Variants in ADAMTSL1 observed in about 807,000 individuals in gnomAD.
The protein encoded by ADAMTSL1 is ADAMTS like 1.
ADAMTSL1 carries 126 observed loss-of-function variants against 201.8 expected under a neutral mutation model. The ratio of observed to expected loss-of-function variants is 0.62; its 90% CI spans 0.54 to 0.72. The LOEUF is 0.72. ADAMTSL1 is among the 30% of genes least tolerant of loss of function. ADAMTSL1 has a pLI of 0.00. For missense variants in ADAMTSL1, 2,679 were observed against 2,277.8 expected (o/e 1.18, Z -3.59); for synonymous variants, 1,121 against 903.4 (o/e 1.24, Z -4.32).
chr9:18,411,186 A>G (rs2133313063), intron 2 of ADAMTSL1, among the ~76,000 whole-genome samples: 1 of 148,078 alleles, frequency 6.8e-6, no homozygotes, highest in Admixed American at 6.8e-5. Context: ...TTATTTATTT[A>G]TTTATTTATT....
At chr9:18,639,808 C>T (rs1230344443) in intron 7 of ADAMTSL1, among the ~76,000 whole-genome samples, 1 of 152,070 alleles carries the variant, frequency 6.6e-6, no homozygotes, top group African/African-American at 2.4e-5. Context: ...ACTGATCATT[C>T]TTCCAATGGC....
At chr9:18,141,290 A>T (rs1564023111) in intron 1 of ADAMTSL1, among the ~76,000 whole-genome samples, 1 of 152,100 alleles carries the variant, frequency 6.6e-6, no homozygotes, top group African/African-American at 2.4e-5. Flanking sequence ...CTCATCATGG[A>T]CAGAAGAACA....
At chr9:18,166,248 A>C (rs139262775) in intron 2 of ADAMTSL1, among the ~76,000 whole-genome samples, 1 of 151,898 alleles carries the variant, frequency 6.6e-6, no homozygotes, top group Non-Finnish European at 1.5e-5. Context: ...TTAGCCCAGC[A>C]CTTGCTTCTG....
chr9:18,723,163 C>G, intron 15 of ADAMTSL1: 1 of 718,294 alleles, frequency 1.4e-6, no homozygotes, highest in South Asian at 1.5e-5. Context: ...GCAAAGTGAA[C>G]TGGTTGTACC....
At chr9:18,889,446 G>T in intron 24 of ADAMTSL1, 122 bp from the exon 25 acceptor site, 2 of 1,064,788 alleles carry the variant, frequency 1.9e-6, no homozygotes, top group East Asian at 2.8e-5. Context: ...ATTTATAATA[G>T]CTCCTCTCCT....
intron 3 of ADAMTSL1, among the ~76,000 whole-genome samples, chr9:18,563,316 G>A (rs1821655973): frequency 6.6e-6 from 1 of 152,180 alleles, no homozygotes. Context: ...TCCAGACCCT[G>A]TTTACCTGGG....
At chr9:18,330,180 G>A (rs925638880) in intron 2 of ADAMTSL1, among the ~76,000 whole-genome samples, 2 of 152,144 alleles carry the variant, frequency 1.3e-5, no homozygotes, top group African/African-American at 4.8e-5. Flanking sequence ...TATCTTGCAA[G>A]GTAGTTTGGA....
At chr9:18,598,949 G>T (rs1209427460) in intron 4 of ADAMTSL1, among the ~76,000 whole-genome samples, 1 of 152,144 alleles carries the variant, frequency 6.6e-6, no homozygotes, top group East Asian at 1.9e-4. Flanking sequence ...CCAGTGTTTT[G>T]TTTTCCCAAG....
rs760505722 is a variant in ADAMTSL1 at position 18,706,831 on chromosome 9, G to A, written c.1659G>A (p.Leu553=). The change falls in exon 14 of 29, where the codon CTG becomes CTA. Residue 553 remains leucine, a synonymous_variant. Transcript: ENST00000380548. The part of the protein sequence containing the change: ...QVRIVRCQVL[L]SFSQSVADLP... ...GAATAGTCAGGTGCCAGGTGCTCCTGTCTTTCTCTCAGTCCGTGGCTGACC... is the reference window on the plus strand; with the variant it reads ...GAATAGTCAGGTGCCAGGTGCTCCTATCTTTCTCTCAGTCCGTGGCTGACC... 1.2e-6 allele frequency: 2 copies of A among 1,612,012 alleles called. No homozygotes were observed. Among genetic ancestry groups the A allele is most frequent in the Non-Finnish European group, 1.7e-6 (2 of 1,178,986 alleles).
intron 1 of ADAMTSL1, among the ~76,000 whole-genome samples, chr9:17,965,394 C>T (rs1018947356): frequency 2.0e-5 from 3 of 152,120 alleles, no homozygotes; most frequent in Admixed American, 6.6e-5. Flanking sequence ...TATAGACCAT[C>T]AAGGCAGGCA....
chr9:18,473,464 G>A (rs949130608), upstream of ADAMTSL1, among the ~76,000 whole-genome samples: 2 of 152,140 alleles, frequency 1.3e-5, no homozygotes, highest in African/African-American at 4.8e-5. Context: ...TTACAGAGAA[G>A]CAACTTGCTT....
intron 1 of ADAMTSL1, among the ~76,000 whole-genome samples, chr9:18,145,824 G>A (rs1337021783): frequency 2.0e-5 from 3 of 152,116 alleles, no homozygotes; most frequent in Non-Finnish European, 2.9e-5. Context: ...CCCATAGAAT[G>A]GGAGAAAATG....
At chr9:18,835,230 C>T (rs1825240782) in intron 23 of ADAMTSL1, among the ~76,000 whole-genome samples, 1 of 152,088 alleles carries the variant, frequency 6.6e-6, no homozygotes, top group Non-Finnish European at 1.5e-5. Flanking sequence ...TAGTGTTGAA[C>T]ATGTATTCAT....
chr9:18,507,006 A>G (rs1202300249), intron 2 of ADAMTSL1, among the ~76,000 whole-genome samples: 1 of 152,342 alleles, frequency 6.6e-6, no homozygotes, highest in East Asian at 1.9e-4. Context: ...GTCATTCTTT[A>G]GCAAATCAAA....
rs1049367867 is a variant in ADAMTSL1 at position 18,773,016 on chromosome 9, C to T, written c.2397+2235C>T. 4.6e-5 allele frequency among the ~76,000 whole-genome samples: 7 copies of T among 152,290 alleles called. No homozygotes were observed. The South Asian group carries it at 6.2e-4, about 14-fold the overall frequency. ...CAAACTGGTGCCATATTGAAGTGCT[C>T]CTGGAGGTGTTCACAAAGGCTCCAC... On this transcript the variant is annotated intron_variant, in intron 17 of 28. Transcript: ENST00000380548.
chr9:17,951,347 G>A (rs1827721141), intron 1 of ADAMTSL1, among the ~76,000 whole-genome samples: 1 of 152,196 alleles, frequency 6.6e-6, no homozygotes, highest in Non-Finnish European at 1.5e-5. Flanking sequence ...TGTCCATGTA[G>A]AAGTGGAGTT....
chr9:18,738,650 T>C (rs887187505), intron 15 of ADAMTSL1, among the ~76,000 whole-genome samples: 2 of 152,170 alleles, frequency 1.3e-5, no homozygotes, highest in African/African-American at 4.8e-5. Context: ...AAATAGATAA[T>C]CTGCTCTGAG....
upstream of ADAMTSL1, among the ~76,000 whole-genome samples, chr9:18,471,154 T>C (rs941550646): frequency 2.0e-5 from 3 of 152,194 alleles, no homozygotes; most frequent in African/African-American, 7.2e-5. Flanking sequence ...TAAGATACTT[T>C]CCATCGTCAG....
intron 2 of ADAMTSL1, among the ~76,000 whole-genome samples, chr9:18,288,472 C>A (rs1198710890): frequency 6.6e-6 from 1 of 152,060 alleles, no homozygotes; most frequent in African/African-American, 2.4e-5. Context: ...TCCTTTAAAA[C>A]TGAGTTAGGT....
Sources: gnomAD v4.1 joint callset for allele counts (sites outside exome capture counted in the v4.1 genomes callset) on GRCh38, gnomAD v4.1.1 for gene constraint, MANE v1.5 for transcripts, NCBI Gene and HGNC (gene_info 2026-07-23, HGNC 2026-07-21) for gene names.